SNRPN: variants seen among roughly 807,000 people sequenced by gnomAD.
SNRPN encodes small nuclear ribonucleoprotein-associated protein N.
Under a neutral mutation model 25.2 loss-of-function variants are expected in SNRPN, and 7 were observed. The observed-to-expected ratio is 0.28, with a 90% confidence interval of 0.16 to 0.52. The LOEUF (loss-of-function observed/expected upper bound fraction) is 0.52. Among genes scored for constraint, SNRPN ranks in the 20% least tolerant of loss-of-function variants. The pLI is 0.96. For missense variants in SNRPN, 196 were observed against 322.5 expected (o/e 0.61, Z 3.00); for synonymous variants, 124 against 110.6 (o/e 1.12, Z -0.76).
At chr15:24,828,610 A>G (rs1318854207) in intron 1 of SNRPN, among the ~76,000 whole-genome samples, 1 of 152,136 alleles carries the variant, frequency 6.6e-6, no homozygotes, top group Non-Finnish European at 1.5e-5. Flanking sequence ...GAAGGATAGT[A>G]AGTAATAAGC....
At chr15:24,900,452 A>G (rs764737409) in intron 2 of SNRPN, among the ~76,000 whole-genome samples, 10 of 152,180 alleles carry the variant, frequency 6.6e-5, no homozygotes, top group Non-Finnish European at 1.2e-4. Flanking sequence ...CTTTCTTACC[A>G]GTTTAAGTAG....
chr15:24,834,075 G>A (rs958525652), intron 2 of SNRPN, among the ~76,000 whole-genome samples: 3 of 152,012 alleles, frequency 2.0e-5, no homozygotes, highest in Non-Finnish European at 2.9e-5. Context: ...ACAGGCGCCT[G>A]CCACCACACC....
chr15:24,882,628 C>G (rs372779846), intron 1 of SNRPN, among the ~76,000 whole-genome samples: 1 of 151,940 alleles, frequency 6.6e-6, no homozygotes, highest in East Asian at 1.9e-4. Context: ...AGTTCGAGAC[C>G]AGCCTGACCA....
At chr15:24,885,433 G>C (rs2057105069) in intron 1 of SNRPN, among the ~76,000 whole-genome samples, 1 of 152,156 alleles carries the variant, frequency 6.6e-6, no homozygotes, top group East Asian at 1.9e-4. Context: ...TTCTCACCTG[G>C]TGAGATGGCA....
At chr15:24,867,499 C>T (rs947393554) in intron 1 of SNRPN, among the ~76,000 whole-genome samples, 16 of 152,018 alleles carry the variant, frequency 1.1e-4, no homozygotes, top group African/African-American at 2.9e-4. Flanking sequence ...CTCAGCCTCC[C>T]GAGTAGCTGG....
intron 2 of SNRPN, among the ~76,000 whole-genome samples, chr15:24,888,662 G>A (rs1334594351): frequency 1.3e-5 from 2 of 152,084 alleles, no homozygotes; most frequent in Non-Finnish European, 2.9e-5. Context: ...AGCCAGGGAG[G>A]CAACTATAAA....
chr15:24,864,989 A>G (rs1164685570), intron 1 of SNRPN, among the ~76,000 whole-genome samples: 1 of 151,900 alleles, frequency 6.6e-6, no homozygotes, highest in Non-Finnish European at 1.5e-5. Flanking sequence ...CAGCATGTAT[A>G]CTGAACAAAC....
intron 1 of SNRPN, among the ~76,000 whole-genome samples, chr15:24,879,832 A>G (rs988785477): frequency 2.0e-5 from 3 of 152,200 alleles, no homozygotes; most frequent in Non-Finnish European, 4.4e-5. Context: ...CCATAAAACC[A>G]AAATTATATA....
chr15:24,918,017 A>G (rs1197490146), intron 2 of SNRPN, among the ~76,000 whole-genome samples: 1 of 152,100 alleles, frequency 6.6e-6, no homozygotes, highest in Admixed American at 6.5e-5. Context: ...CCCATGCCTT[A>G]CTTTTAAAAT....
intron 2 of SNRPN, chr15:24,909,512 G>C (rs879233573): frequency 6.6e-7 from 1 of 1,511,798 alleles, no homozygotes; most frequent in Non-Finnish European, 9.1e-7. Flanking sequence ...GCGGGCCAGC[G>C]GCAGGCCAGT....
chr15:24,931,784 A>G (rs574457170), intron 3 of SNRPN, among the ~76,000 whole-genome samples: 142 of 135,776 alleles, frequency 1.0e-3, no homozygotes, highest in Middle Eastern at 8.1e-3. Context: ...GGTTGCAGTG[A>G]GCCAAGATCT....
chr15:24,968,267 T>A, intron 3 of SNRPN, 185 bp downstream of exon 3: 1 of 498,822 alleles, frequency 2.0e-6, no homozygotes, highest in South Asian at 2.2e-5. Context: ...TTTCGTCATG[T>A]TTCTGTATTC....
intron 1 of SNRPN, among the ~76,000 whole-genome samples, chr15:24,958,057 T>G (rs1368857780): frequency 6.6e-6 from 1 of 152,146 alleles, no homozygotes; most frequent in African/African-American, 2.4e-5. Context: ...ACTAACTGAT[T>G]TGGATTTATT....
chr15:24,977,436 C>T (rs1190592507), intron 7 of SNRPN, among the ~76,000 whole-genome samples: 1 of 152,050 alleles, frequency 6.6e-6, no homozygotes, highest in Non-Finnish European at 1.5e-5. Flanking sequence ...GTCAGGAGTT[C>T]GACACCAGCC....
intron 3 of SNRPN, among the ~76,000 whole-genome samples, chr15:24,948,339 C>G (rs1010524400): frequency 2.0e-5 from 3 of 152,128 alleles, no homozygotes; most frequent in Middle Eastern, 6.8e-3. Flanking sequence ...GTCTGAATCT[C>G]CTGACCTCGT....
intron 2 of SNRPN, chr15:24,850,718 G>T (rs1391696561): frequency 6.6e-6 from 1 of 152,186 alleles, no homozygotes; most frequent in African/African-American, 2.4e-5. Context: ...GGTAGAAGGA[G>T]CCTGGTCTAT....
chr15:24,972,769 T>C (rs1441428187), intron 3 of SNRPN, among the ~76,000 whole-genome samples: 1 of 148,680 alleles, frequency 6.7e-6, no homozygotes. Flanking sequence ...GGAAACATTA[T>C]GCATGCTTGA....
chr15:24,856,838 C>T (rs1050154233), intron 1 of SNRPN: 5 of 152,178 alleles, frequency 3.3e-5, no homozygotes, highest in African/African-American at 1.2e-4. Flanking sequence ...CGCATGTTCG[C>T]ATTCTGTATT....
At chr15:24,827,261 T>C (rs1342122005) in intron 1 of SNRPN, among the ~76,000 whole-genome samples, 1 of 151,928 alleles carries the variant, frequency 6.6e-6, no homozygotes, top group African/African-American at 2.4e-5. Context: ...ACGCCTGTAA[T>C]CCCAGCACTT....
Sources: allele counts gnomAD v4.1 joint callset (sites outside exome capture counted in the v4.1 genomes callset), GRCh38; gene constraint gnomAD v4.1.1; transcripts MANE v1.5; gene names NCBI Gene and HGNC (gene_info 2026-07-23, HGNC 2026-07-21).